Variants in SLC5A6 observed in about 807,000 individuals in gnomAD.
SLC5A6 encodes the protein solute carrier family 5 member 6.
SLC5A6 carries 31 observed loss-of-function variants against 67.9 expected under a neutral mutation model. The ratio of observed to expected loss-of-function variants is 0.46; its 90% CI spans 0.34 to 0.62. The LOEUF is 0.62. Among genes scored for constraint, SLC5A6 ranks in the 20% least tolerant of loss-of-function variants. The pLI, the probability that SLC5A6 is intolerant of heterozygous loss-of-function variation, is 0.01. For missense variants in SLC5A6, 673 were observed against 812.8 expected, an observed-to-expected ratio of 0.83 and a Z score of 2.09; for synonymous variants, 343 against 331.0, an observed-to-expected ratio of 1.04 and a Z score of -0.39.
chr2:27,206,801 T>A, intron 4 of SLC5A6, 76 bp downstream of exon 4: 1 of 1,173,398 alleles, frequency 8.5e-7, no homozygotes, highest in Non-Finnish European at 1.3e-6. Flanking sequence ...CAGGGGAGAC[T>A]CCAATTCCCT....
chr2:27,203,783 G>C lies in SLC5A6; in HGVS notation c.1090C>G (p.Leu364Val). 6 of 1,613,042 alleles carry C rather than the reference G, an allele frequency of 3.7e-6. No individual in the cohort carries two copies. The South Asian group carries it at 5.5e-5, about 15-fold the overall frequency. ...GGAAATCGTTAAAGTGGGTACCTGA[G>C]AGAGCCGCTGAAGAGGCAGGCAATG... ...LFIACLFSGS[L>V]STISSAFNSL... is the part of the protein sequence containing the mutation. The change falls in exon 10 of 17, where the codon CTC becomes GTC. Residue 364 changes from leucine (L) to valine (V), a missense_variant. Physicochemically the swap from Leu to Val is conservative, Grantham distance 32. Transcript: ENST00000310574.
chr2:27,200,301 A>C lies in SLC5A6; in HGVS notation c.*135T>G, dbSNP rs1209698965. The C allele has an allele frequency of 9.8e-6, 8 of 816,872 alleles. No individual in the cohort carries two copies. Among genetic ancestry groups the C allele is most frequent in the Non-Finnish European group, 1.5e-5 (8 of 549,628 alleles). The allele number at this position is 816,872 out of a possible 1,614,324, so 50.6% of individuals were successfully genotyped here. On this transcript the variant is annotated 3_prime_UTR_variant, in exon 17 of 17. Transcript: ENST00000310574. The stretch of plus-strand genomic sequence containing the variant: ...CTCCTGCAGGCAAGAACCTCTCAGA[A>C]CAAGGTCCTTTGGTATGAGCTAGAT...
intron 8 of SLC5A6, 77 bp from the exon 9 acceptor site, chr2:27,204,667 A>G: frequency 1.2e-6 from 2 of 1,600,704 alleles, no homozygotes; most frequent in Non-Finnish European, 1.7e-6. Context: ...ACCTCCAGAA[A>G]GGAGACCCAC....
chr2:27,206,253 CA>C (rs1334051630), intron 5 of SLC5A6, 160 bp from the exon 6 acceptor site: 32 of 727,978 alleles, frequency 4.4e-5, no homozygotes, highest in Non-Finnish European at 6.8e-5. Flanking sequence ...AGAGCTCCAC[CA>C]AAAGATATTG....
At position 27,212,067 on chromosome 2, in the gene SLC5A6, C is replaced by T; in HGVS notation, c.-255G>A. 8.4e-7 allele frequency: 1 copy of T among 1,191,936 alleles called. No homozygotes were observed. Among genetic ancestry groups the T allele is most frequent in the Non-Finnish European group, 1.1e-6 (1 of 876,600 alleles). 73.8% of individuals were successfully genotyped at this position (1,191,936 alleles called of 1,614,324 possible). The stretch of plus-strand genomic sequence containing the variant: ...AGTTTCTGCGAAGCCGCGACCTCGG[C>T]GTCCGGACGCGGGGAACACCGGGCT... On this transcript the variant is annotated 5_prime_UTR_variant, in exon 1 of 17. Coordinates refer to ENST00000310574, the MANE Select transcript of SLC5A6 (RefSeq NM_021095.4).
At position 27,203,260 on chromosome 2, in the gene SLC5A6, G is replaced by A. The variant is rs375014181; in HGVS notation, c.1180C>T (p.Arg394Trp). Residue 394 changes from arginine to tryptophan, a missense_variant, in exon 11 of 17, where the codon CGG (arginine) becomes TGG (tryptophan). Coordinates refer to ENST00000310574, the MANE Select transcript of SLC5A6 (RefSeq NM_021095.4). ...RPWFPEFSEA[R>W]AIMLSRGLAF... Reference sequence around the variant, plus strand: ...AGGCCTCTGGAAAGCATGATGGCCCGGGCTTCAGAGAACTCAGGGAACCAA... The same window carrying A: ...AGGCCTCTGGAAAGCATGATGGCCCAGGCTTCAGAGAACTCAGGGAACCAA... The A allele has an allele frequency of 1.9e-5, 30 of 1,614,030 alleles. No individual in the cohort carries two copies. The highest frequency in any genetic ancestry group is 2.2e-5 in the South Asian group (2 of 91,058).
intron 2 of SLC5A6, among the ~76,000 whole-genome samples, chr2:27,209,651 T>C (rs1394508408): frequency 6.6e-6 from 1 of 152,204 alleles, no homozygotes; most frequent in Non-Finnish European, 1.5e-5. Context: ...GGACATAGTT[T>C]AGATTTCAAC....
Position 27,204,781 on chromosome 2 carries a change from C to T in SLC5A6, c.875+10G>A. On this transcript the variant is annotated intron_variant, in intron 8 of 16. Transcript: ENST00000310574. The stretch of plus-strand genomic sequence containing the variant: ...ACCTTGCTCCACTCCCTTCCTGTCC[C>T]TGCACTCACAGCACAGCAGCCTTCT... The T allele has an allele frequency of 6.2e-7, 1 of 1,614,156 alleles. No homozygotes were observed. Among genetic ancestry groups the T allele is most frequent in the Non-Finnish European group, 8.5e-7 (1 of 1,179,996 alleles).
chr2:27,202,966 C>T lies in SLC5A6; in HGVS notation c.1208-86G>A. ...AAGCAAGGCTCCCTGCCCAGCCAAA[C>T]TACCACCTCTGTCTCTCTGGAAACA... On this transcript the variant is annotated intron_variant, in intron 11 of 16. Coordinates refer to ENST00000310574, the MANE Select transcript of SLC5A6 (RefSeq NM_021095.4). The T allele has an allele frequency of 8.3e-6, 13 of 1,575,132 alleles. No individual in the cohort carries two copies. In the South Asian group the frequency reaches 1.5e-4, roughly 19 times the overall value.
intron 9 of SLC5A6, 57 bp downstream of exon 9, chr2:27,204,404 A>T: frequency 6.5e-7 from 1 of 1,546,542 alleles, no homozygotes; most frequent in East Asian, 2.3e-5. Context: ...TCCTACCTAG[A>T]CACTCCTGTT....
upstream of SLC5A6, chr2:27,212,537 G>A: frequency 1.3e-6 from 2 of 1,503,892 alleles, no homozygotes; most frequent in South Asian, 1.3e-5. Flanking sequence ...CTCGCCAGCG[G>A]CTCCCCCTTC....
intron 11 of SLC5A6, 115 bp from the exon 12 acceptor site, chr2:27,202,995 G>A (rs879586401): frequency 4.5e-5 from 69 of 1,548,896 alleles, no homozygotes; most frequent in Admixed American, 6.3e-5. Flanking sequence ...GGAAACAAAA[G>A]GCATATTACA....
intron 12 of SLC5A6, 88 bp from the exon 13 acceptor site, chr2:27,202,162 C>T: frequency 3.3e-6 from 3 of 896,240 alleles, no homozygotes; most frequent in Admixed American, 3.9e-5. Flanking sequence ...CCAGCCATGA[C>T]CTTGGAGCCC....
Position 27,210,465 on chromosome 2 carries a change from C to T in SLC5A6, c.-141+1002G>A, listed in dbSNP as rs183148239. Among the ~76,000 whole-genome samples, 1,034 of 146,652 alleles carry T rather than the reference C, an allele frequency of 7.1e-3. 8 individuals are homozygous for T. The highest frequency in any genetic ancestry group is 0.012 in the Non-Finnish European group (813 of 66,592). On this transcript the variant is annotated intron_variant, in intron 2 of 16. Coordinates refer to ENST00000310574, the MANE Select transcript of SLC5A6 (RefSeq NM_021095.4). ...TTTTTTTTGGAGACGGAGTCTCGCT[C>T]TGTCGCCCAGGCTGGAGTGCAGTGA...
At chr2:27,202,134 C>A in intron 12 of SLC5A6, 60 bp from the exon 13 acceptor site, 3 of 1,187,718 alleles carry the variant, frequency 2.5e-6, no homozygotes, top group Non-Finnish European at 3.8e-6. Context: ...TGCCCAGACT[C>A]ACCATAAAGC....
chr2:27,210,043 GCAAAGAACACAGAA>G (rs1446645490), intron 2 of SLC5A6, among the ~76,000 whole-genome samples: 2 of 152,184 alleles, frequency 1.3e-5, no homozygotes, highest in African/African-American at 4.8e-5. Flanking sequence ...TCTCCTGTGT[GCAAAGAACACAGAA>G]CAAAGAACTA....
intron 7 of SLC5A6, 36 bp downstream of exon 7, chr2:27,205,314 A>G: frequency 6.3e-7 from 1 of 1,594,664 alleles, no homozygotes; most frequent in Non-Finnish European, 8.6e-7. Context: ...GCGCCCAGGC[A>G]CTGCAGACCC....
Position 27,201,413 on chromosome 2 carries a change from ATAAG to A in SLC5A6, c.1581_1584del (p.Leu528GlyfsTer10). 6.2e-7 allele frequency: 1 copy of A among 1,613,640 alleles called. No individual in the cohort carries two copies. The highest frequency in any genetic ancestry group is 8.5e-7 in the Non-Finnish European group (1 of 1,179,572). On this transcript the variant is annotated frameshift_variant, in exon 15 of 17. Transcript: ENST00000310574. LOFTEE classifies it high-confidence loss of function. Reference sequence around the variant, plus strand: ...GTGGTGGAGTTGTGAGCACTGTACCATAAGTAAGACAAGGAATAGAACCGCTGCA... The same window carrying A: ...GTGGTGGAGTTGTGAGCACTGTACCATAAGACAAGGAATAGAACCGCTGCA...
chr2:27,207,323 G>C lies in SLC5A6; in HGVS notation c.328C>G (p.Leu110Val). Residue 110 changes from leucine (L) to valine (V), a missense_variant, in exon 3 of 17, where the codon CTG (leucine) becomes GTG (valine). Physicochemically the swap from Leu to Val is conservative, Grantham distance 32 (BLOSUM62 1). Coordinates refer to ENST00000310574, the MANE Select transcript of SLC5A6 (RefSeq NM_021095.4). The surrounding 1 kb of genome is among the most constrained non-coding windows in gnomAD (Gnocchi z 5.5). ...ATGAAGATGTGTGCAGGTATCAGCA[G>C]CCCCAGAAAGTAGCAGCAGCCCAGG... ...WFLGCCYFLG[L>V]LIPAHIFIPV... 1.2e-6 allele frequency: 2 copies of C among 1,614,132 alleles called. No individual in the cohort carries two copies. The highest frequency in any genetic ancestry group is 1.7e-6 in the Non-Finnish European group (2 of 1,180,028).
Sources: allele counts gnomAD v4.1 joint callset (sites outside exome capture counted in the v4.1 genomes callset), GRCh38; gene constraint gnomAD v4.1.1; non-coding constraint Gnocchi (gnomAD v3.1); transcripts MANE v1.5; gene names NCBI Gene and HGNC (gene_info 2026-07-23, HGNC 2026-07-21).